TLE1: variants seen among roughly 807,000 people sequenced by gnomAD.
The protein encoded by TLE1 is transducin-like enhancer protein 1.
Under a neutral mutation model 89.8 loss-of-function variants are expected in TLE1, and 21 were observed. The observed-to-expected ratio is 0.23, with a 90% CI of 0.17 to 0.34. TLE1 has a LOEUF of 0.34. Among genes scored for constraint, TLE1 ranks in the 10% least tolerant of loss-of-function variants. The pLI is 1.00. For synonymous variants in TLE1, 447 were observed against 407.6 expected (o/e 1.10, Z -1.16); for missense variants, 795 against 1,031.2 (o/e 0.77, Z 3.14).
chr9:81,596,393 C>T (rs1830216918), intron 14 of TLE1, among the ~76,000 whole-genome samples: 1 of 152,068 alleles, frequency 6.6e-6, no homozygotes, highest in African/African-American at 2.4e-5. Context: ...ATGAACACGC[C>T]AGAGCAACAC....
At chr9:81,641,833 A>G (rs945950551) in intron 6 of TLE1, among the ~76,000 whole-genome samples, 1 of 152,130 alleles carries the variant, frequency 6.6e-6, no homozygotes, top group Non-Finnish European at 1.5e-5. Context: ...GACCAGCCCA[A>G]CCAACATGGA....
Position 81,675,708 on chromosome 9 carries a change from G to GTTTGTTT in TLE1, c.234+9967_234+9968insAAACAAA, listed in dbSNP as rs1564071195. Among the ~76,000 whole-genome samples the GTTTGTTT allele has an allele frequency of 1.5e-3, 196 of 132,452 alleles. 6 individuals carry two copies. The highest frequency in any genetic ancestry group is 5.8e-3 in the African/African-American group (191 of 33,184). 86.9% of individuals were successfully genotyped at this position (132,452 alleles called of 152,430 possible). On this transcript the variant is annotated intron_variant, in intron 4 of 19. Transcript: ENST00000376499. ...TAAGGACTCACACTAGTTTTTTTTTGTTTTTTTTTTTGAGACGGAGTCTCG... is the reference window on the plus strand; with the variant it reads ...TAAGGACTCACACTAGTTTTTTTTTGTTTGTTTTTTTTTTTTTTGAGACGGAGTCTCG...
chr9:81,597,385 G>GA (rs1830364963), intron 14 of TLE1, among the ~76,000 whole-genome samples: 1 of 152,168 alleles, frequency 6.6e-6, no homozygotes, highest in Non-Finnish European at 1.5e-5. Flanking sequence ...GCAGGGTGGG[G>GA]ATCAGGAAAG....
intron 14 of TLE1, among the ~76,000 whole-genome samples, chr9:81,603,059 T>C (rs1480668098): frequency 1.3e-5 from 2 of 152,182 alleles, no homozygotes; most frequent in Non-Finnish European, 2.9e-5. Context: ...TCTTACTCTG[T>C]TCCACTCTGA....
At chr9:81,612,259 G>C in intron 12 of TLE1, 2 of 1,090,032 alleles carry the variant, frequency 1.8e-6, no homozygotes, top group African/African-American at 1.6e-5. Flanking sequence ...AATTTACAGA[G>C]GGCAAACCAA....
intron 4 of TLE1, among the ~76,000 whole-genome samples, chr9:81,675,708 G>GTTTTTGT (rs1832807653): frequency 2.3e-5 from 3 of 132,440 alleles, no homozygotes; most frequent in Admixed American, 1.5e-4. Context: ...GTTTTTTTTT[G>GTTTTTGT]TTTTTTTTTT....
chr9:81,604,174 G>A (rs1392029638), intron 14 of TLE1, among the ~76,000 whole-genome samples: 1 of 152,096 alleles, frequency 6.6e-6, no homozygotes, highest in South Asian at 2.1e-4. Flanking sequence ...CAGGCCCAGC[G>A]GCAGACTCTG....
At chr9:81,600,443 AGGTCAC>A (rs1830760384) in intron 14 of TLE1, among the ~76,000 whole-genome samples, 1 of 152,124 alleles carries the variant, frequency 6.6e-6, no homozygotes, top group African/African-American at 2.4e-5. Context: ...CAGGAGTTTG[AGGTCAC>A]CCTGGAGATC....
chr9:81,620,787 A>G, intron 8 of TLE1: 1 of 1,359,244 alleles, frequency 7.4e-7, no homozygotes, highest in Admixed American at 3.1e-5. Flanking sequence ...TGGATTCTTC[A>G]GGCCTCCTTG....
chr9:81,606,434 T>C (rs1207939920), intron 14 of TLE1, among the ~76,000 whole-genome samples: 2 of 152,300 alleles, frequency 1.3e-5, no homozygotes, highest in Admixed American at 6.5e-5. Context: ...TGGAATACTA[T>C]GCAGCCATAA....
rs1828310279 is a variant in TLE1, at chr9:81,585,730, G to A, written c.1978-75C>T. On this transcript the variant is annotated intron_variant, in intron 17 of 19. Transcript: ENST00000376499. ...GAAGGGAAGACGCAATGTGAAAAGT[G>A]GGGAAATAGCAAGAATGGGGGGAAG... 15 of 1,548,520 alleles carry A rather than the reference G, an allele frequency of 9.7e-6. 1 individual carries two copies. The East Asian group carries it at 3.4e-4, about 36-fold the overall frequency.
rs1456241309 is a variant in TLE1 at position 81,652,216 on chromosome 9, C to T, written c.370G>A (p.Gly124Arg). ...VTMAELNAII[G>R]QQQLQAQHLS... is the part of the protein sequence containing the mutation. The stretch of plus-strand genomic sequence containing the variant: ...GGTAGACCTGGTAGGCCACGTACCC[C>T]GATGATGGCATTCAATTCTGCCATG... The change falls in exon 6 of 20, where the codon GGG becomes AGG. Residue 124 changes from glycine to arginine, a missense_variant and splice_region_variant. Around this residue, in one of 4 missense-constraint regions of TLE1, gnomAD observed 66 missense variants for 118.7 expected, o/e 0.56. Transcript: ENST00000376499. 3 of 1,613,684 alleles carry T rather than the reference C, an allele frequency of 1.9e-6. No individual in the cohort carries two copies. Among genetic ancestry groups the T allele is most frequent in the South Asian group, 1.1e-5 (1 of 91,064 alleles).
chr9:81,676,519 C>T (rs1832924268), intron 4 of TLE1, among the ~76,000 whole-genome samples: 1 of 152,052 alleles, frequency 6.6e-6, no homozygotes. Flanking sequence ...AACAGGAAAA[C>T]TCAAAACATA....
chr9:81,655,790 C>G (rs1423690274), intron 4 of TLE1, among the ~76,000 whole-genome samples: 1 of 150,646 alleles, frequency 6.6e-6, no homozygotes, highest in Non-Finnish European at 1.5e-5. Context: ...AAAGTCGAGC[C>G]TGCGGTGAGC....
intron 8 of TLE1, among the ~76,000 whole-genome samples, chr9:81,632,437 A>T (rs189623358): frequency 1.3e-5 from 2 of 151,228 alleles, no homozygotes; most frequent in African/African-American, 4.9e-5. Context: ...CCCAAAACTT[A>T]TACCAAAAAA....
chr9:81,671,422 G>A (rs553024995), intron 4 of TLE1, among the ~76,000 whole-genome samples: 1 of 151,584 alleles, frequency 6.6e-6, no homozygotes, highest in East Asian at 2.0e-4. Flanking sequence ...CAAGGTGGGC[G>A]GATCACAAGG....
At chr9:81,628,042 G>C (rs557280092) in intron 8 of TLE1, among the ~76,000 whole-genome samples, 11 of 152,278 alleles carry the variant, frequency 7.2e-5, no homozygotes, top group South Asian at 2.1e-4. Context: ...AACATACTGA[G>C]ACTCTGACTG....
At chr9:81,646,872 G>GA (rs1828922077) in intron 6 of TLE1, among the ~76,000 whole-genome samples, 1 of 152,092 alleles carries the variant, frequency 6.6e-6, no homozygotes, top group Non-Finnish European at 1.5e-5. Context: ...TACAAAATCA[G>GA]ATATTTGCCT....
chr9:81,655,702 GA>G (rs1298988168), intron 4 of TLE1, among the ~76,000 whole-genome samples: 2 of 151,928 alleles, frequency 1.3e-5, no homozygotes, highest in African/African-American at 4.8e-5. Flanking sequence ...AGGATCACAA[GA>G]AAAAAACTTA....
Sources: allele counts gnomAD v4.1 joint callset (sites outside exome capture counted in the v4.1 genomes callset), GRCh38; gene constraint gnomAD v4.1.1; regional missense constraint gnomAD v4.1.1; transcripts MANE v1.5; gene names NCBI Gene and HGNC (gene_info 2026-07-23, HGNC 2026-07-21).